Variants in TRIM26 observed in about 807,000 individuals in gnomAD.
The protein encoded by TRIM26 is tripartite motif-containing protein 26.
A neutral mutation model predicts 45.5 loss-of-function variants in TRIM26; 16 were observed. That is an observed-to-expected ratio of 0.35 (90% CI 0.24 to 0.53). TRIM26 has a LOEUF of 0.53. TRIM26 is among the 20% of genes least tolerant of loss of function. The probability of loss-of-function intolerance (pLI) is 0.92; values close to 1 mark genes in which losing one functional copy is unlikely to be tolerated. For missense variants in TRIM26, 442 were observed against 691.1 expected, an observed-to-expected ratio of 0.64 and a Z score of 4.04; for synonymous variants, 273 against 290.4, an observed-to-expected ratio of 0.94 and a Z score of 0.61.
rs1775550639 is a variant in TRIM26, at chr6:30,189,249, C to G, written c.905-50G>C. The stretch of plus-strand genomic sequence containing the variant: ...GACTCAAGTCCCGAAAATTTATGAG[C>G]CCATTTCTTGCTCGGGCAGTATCAA... On this transcript the variant is annotated intron_variant, in intron 8 of 9. Coordinates refer to ENST00000454678, the MANE Select transcript of TRIM26 (RefSeq NM_003449.5). The surrounding 1 kb of genome is among the most constrained non-coding windows in gnomAD (Gnocchi z 5.0). 6.2e-7 allele frequency: 1 copy of G among 1,611,846 alleles called. No homozygotes were observed. The highest frequency in any genetic ancestry group is 1.1e-5 in the South Asian group (1 of 91,064).
intron 6 of TRIM26, among the ~76,000 whole-genome samples, chr6:30,194,702 G>A (rs1009186004): frequency 1.3e-5 from 2 of 151,958 alleles, no homozygotes; most frequent in East Asian, 1.9e-4. Context: ...CAAAAATACA[G>A]AAAATAGCCA....
Position 30,195,165 on chromosome 6 carries a change from C to T in TRIM26, c.765+1351G>A, listed in dbSNP as rs187367772. 1.7e-4 allele frequency among the ~76,000 whole-genome samples: 26 copies of T among 152,216 alleles called. No individual in the cohort carries two copies. In the East Asian group the frequency reaches 3.5e-3, roughly 20 times the overall value. ...GGTGCATTAGGAAAAGGCACCCCTC[C>T]GGGCAAACACAATGGATTTCAGCCC... On this transcript the variant is annotated intron_variant, in intron 6 of 9. Coordinates refer to ENST00000454678, the MANE Select transcript of TRIM26 (RefSeq NM_003449.5).
Position 30,185,535 on chromosome 6 carries a change from A to T in TRIM26, c.*341T>A, listed in dbSNP as rs962372186. 2.9e-6 allele frequency: 1 copy of T among 343,286 alleles called. No homozygotes were observed. Among genetic ancestry groups the T allele is most frequent in the Non-Finnish European group, 5.2e-6 (1 of 190,638 alleles). 21.3% of individuals were successfully genotyped at this position (343,286 alleles called of 1,614,324 possible). A position where few individuals can be genotyped will look rare whatever the true frequency, so the allele number is the denominator to read the frequency against. On this transcript the variant is annotated 3_prime_UTR_variant, in exon 10 of 10. Coordinates refer to ENST00000454678, the MANE Select transcript of TRIM26 (RefSeq NM_003449.5). The surrounding 1 kb of genome is among the most constrained non-coding windows in gnomAD (Gnocchi z 5.7). ...ACTGGTTTTTCTGAGGTCTTGCCAC[A>T]CTGGGCAAGAAAATGCTGCATCGGG...
At chr6:30,205,559 C>T (rs1295977758) in intron 1 of TRIM26, among the ~76,000 whole-genome samples, 2 of 152,168 alleles carry the variant, frequency 1.3e-5, no homozygotes, top group African/African-American at 4.8e-5. Context: ...AGCTGAAAGC[C>T]GGGCACGGGG....
chr6:30,200,113 A>C (rs887293395), intron 3 of TRIM26, among the ~76,000 whole-genome samples: 65 of 152,100 alleles, frequency 4.3e-4, no homozygotes, highest in African/African-American at 1.6e-3. Flanking sequence ...TCAACTAAAA[A>C]AATTTAAAAA....
At chr6:30,200,368 A>G (rs1777038378) in intron 3 of TRIM26, among the ~76,000 whole-genome samples, 1 of 152,256 alleles carries the variant, frequency 6.6e-6, no homozygotes, top group Non-Finnish European at 1.5e-5. Flanking sequence ...AGCATCAGGA[A>G]GCTTCAGGAG....
intron 2 of TRIM26, among the ~76,000 whole-genome samples, chr6:30,202,489 C>T (rs1399856479): frequency 6.6e-6 from 1 of 152,198 alleles, no homozygotes; most frequent in Non-Finnish European, 1.5e-5. Flanking sequence ...TGGATTACTT[C>T]CTGACATACC....
chr6:30,211,294 C>A (rs1275155880), intron 1 of TRIM26, among the ~76,000 whole-genome samples: 1 of 152,174 alleles, frequency 6.6e-6, no homozygotes, highest in Non-Finnish European at 1.5e-5. Flanking sequence ...GGGGGAAGAA[C>A]AAAATTCCAT....
At chr6:30,205,506 C>T (rs1777634895) in intron 1 of TRIM26, among the ~76,000 whole-genome samples, 2 of 152,120 alleles carry the variant, frequency 1.3e-5, no homozygotes, top group South Asian at 2.1e-4. Context: ...GATGCATGCA[C>T]GATTATTGGC....
Position 30,190,860 on chromosome 6 carries a change from T to C in TRIM26, c.766-825A>G, listed in dbSNP as rs1775757445. On this transcript the variant is annotated intron_variant, in intron 6 of 9. Transcript: ENST00000454678. This position sits in a 1 kb window ranked among gnomAD's most constrained non-coding sequence, Gnocchi z 4.3. ...ATAAGCTTATGTACAGCTACTGTGA[T>C]AGCTCTAGACCCTGCACCTCTGAAC... Among the ~76,000 whole-genome samples the C allele has an allele frequency of 6.6e-6, 1 of 152,184 alleles. No homozygotes were observed. Among genetic ancestry groups the C allele is most frequent in the African/African-American group, 2.4e-5 (1 of 41,432 alleles).
chr6:30,204,145 T>C (rs1060916), intron 2 of TRIM26, among the ~76,000 whole-genome samples: 18,864 of 152,198 alleles, frequency 0.12, 1,379 homozygotes, highest in Middle Eastern at 0.2. Flanking sequence ...ACCAATCCCT[T>C]CCCTTGCTTA....
At chr6:30,205,058 A>G (rs1363660453) in intron 1 of TRIM26, among the ~76,000 whole-genome samples, 1 of 152,048 alleles carries the variant, frequency 6.6e-6, no homozygotes, top group Non-Finnish European at 1.5e-5. Flanking sequence ...CCTGACCAAC[A>G]AGGAGAAACC....
chr6:30,186,986 G>A lies in TRIM26; in HGVS notation c.938-428C>T. On this transcript the variant is annotated intron_variant, in intron 9 of 9. Coordinates refer to ENST00000454678, the MANE Select transcript of TRIM26 (RefSeq NM_003449.5). The surrounding 1 kb of genome is among the most constrained non-coding windows in gnomAD (Gnocchi z 7.4). ...TCAAGTAACTCTTGATATGCTTCTT[G>A]GTAATCCGGATCAGCTGCAGTGAAA... 2.4e-6 allele frequency: 1 copy of A among 420,206 alleles called. No homozygotes were observed. The allele number at this position is 420,206 out of a possible 1,614,324, so 26.0% of individuals were successfully genotyped here.
chr6:30,206,316 T>A (rs1456150060), intron 1 of TRIM26, among the ~76,000 whole-genome samples: 2 of 152,168 alleles, frequency 1.3e-5, no homozygotes, highest in East Asian at 1.9e-4. Flanking sequence ...GGATGATGCG[T>A]TCTTGTGGTC....
intron 9 of TRIM26, chr6:30,187,533 C>A: frequency 2.0e-6 from 1 of 509,130 alleles, no homozygotes; most frequent in Non-Finnish European, 4.0e-6. Flanking sequence ...ATATTCAGTC[C>A]GACATCTTTG....
In TRIM26 at chr6:30,186,325, C is replaced by T. The variant is rs766670466; in HGVS notation, c.1171G>A (p.Glu391Lys). 1.2e-6 allele frequency: 2 copies of T among 1,611,850 alleles called. No homozygotes were observed. Among genetic ancestry groups the T allele is most frequent in the Admixed American group, 1.7e-5 (1 of 60,024 alleles). The change falls in exon 10 of 10, where the codon GAG becomes AAG. Residue 391 changes from glutamate to lysine, a missense_variant. By Grantham distance (56) the Glu-to-Lys change is moderately conservative. Coordinates refer to ENST00000454678, the MANE Select transcript of TRIM26 (RefSeq NM_003449.5). The surrounding 1 kb of genome is among the most constrained non-coding windows in gnomAD (Gnocchi z 7.4). ...EDEEEGDEEE[E>K]GEEEEEEEEA... ...TCTTCCTCCTCCTCCTCTTCTCCCT[C>T]TTCCTCCTCATCCCCCTCTTCTTCA...
rs1778068917 is a variant in TRIM26 at position 30,209,510 on chromosome 6, G to A, written c.-376+3795C>T. 1.3e-5 allele frequency among the ~76,000 whole-genome samples: 2 copies of A among 152,122 alleles called. No individual in the cohort carries two copies. Among genetic ancestry groups the A allele is most frequent in the South Asian group, 4.1e-4 (2 of 4,824 alleles). On this transcript the variant is annotated intron_variant, in intron 1 of 9. Coordinates refer to ENST00000454678, the MANE Select transcript of TRIM26 (RefSeq NM_003449.5). The surrounding 1 kb of genome is among the most constrained non-coding windows in gnomAD (Gnocchi z 4.8). Reference sequence around the variant, plus strand: ...ATGCCTTTCTTGCAAGAGTCCATTGGCCAGAACCGTGAGCTGAATAAACAT... The same window carrying A: ...ATGCCTTTCTTGCAAGAGTCCATTGACCAGAACCGTGAGCTGAATAAACAT...
intron 6 of TRIM26, among the ~76,000 whole-genome samples, chr6:30,195,457 C>G (rs553500531): frequency 6.6e-6 from 1 of 152,252 alleles, no homozygotes; most frequent in Admixed American, 6.5e-5. Context: ...TGACACCCAC[C>G]CCATGGCCTG....
rs758703160 is a variant in TRIM26 at position 30,196,546 on chromosome 6, C to T, written c.735G>A (p.Lys245=). 9.3e-6 allele frequency: 15 copies of T among 1,610,360 alleles called. No individual in the cohort carries two copies. The South Asian group carries it at 1.4e-4, about 15-fold the overall frequency. The change falls in exon 6 of 10, where the codon AAG becomes AAA. Residue 245 remains lysine, a synonymous_variant. Coordinates refer to ENST00000454678, the MANE Select transcript of TRIM26 (RefSeq NM_003449.5). The surrounding 1 kb of genome is among the most constrained non-coding windows in gnomAD (Gnocchi z 4.9). ...TGAGCTCTGCAGCTGGCTGCTGCGC[C>T]TTGCCCTCCAGTTCGGAGATGACCA... The part of the protein sequence containing the change: ...LALVISELEG[K]AQQPAAELMQ...
Sources: allele counts gnomAD v4.1 joint callset (sites outside exome capture counted in the v4.1 genomes callset), GRCh38; gene constraint gnomAD v4.1.1; non-coding constraint Gnocchi (gnomAD v3.1); transcripts MANE v1.5; gene names NCBI Gene and HGNC (gene_info 2026-07-23, HGNC 2026-07-21).